Variants in ADAMTS16 observed in about 807,000 individuals in gnomAD.
ADAMTS16 encodes the protein A disintegrin and metalloproteinase with thrombospondin motifs 16.
ADAMTS16 carries 94 observed loss-of-function variants against 145.8 expected under a neutral mutation model. The observed-to-expected ratio is 0.64, with a 90% CI of 0.55 to 0.77. ADAMTS16 has a LOEUF of 0.77. ADAMTS16 is among the 30% of genes least tolerant of loss of function. The pLI is 0.00. For missense variants in ADAMTS16, 1,585 were observed against 1,591.5 expected (o/e 1.00, Z 0.07); for synonymous variants, 659 against 604.3 (o/e 1.09, Z -1.33).
intron 18 of ADAMTS16, among the ~76,000 whole-genome samples, chr5:5,286,720 C>T (rs146139587): frequency 0.028 from 4,233 of 151,408 alleles, 78 homozygotes; most frequent in East Asian, 0.065. Flanking sequence ...TACCCAGGTG[C>T]GGTGGCGAGC....
intron 21 of ADAMTS16, among the ~76,000 whole-genome samples, chr5:5,307,206 G>T (rs568454866): frequency 1.3e-5 from 2 of 152,110 alleles, no homozygotes; most frequent in Non-Finnish European, 2.9e-5. Flanking sequence ...GTCTGTGCCC[G>T]CGCCTCCCAC....
chr5:5,318,987 G>A (rs1226927958), intron 22 of ADAMTS16, 36 bp from the exon 23 acceptor site: 22 of 1,483,584 alleles, frequency 1.5e-5, no homozygotes, highest in East Asian at 1.4e-4. Flanking sequence ...CGCTGCACTC[G>A]GGATCGCTGA....
chr5:5,226,302 AG>A (rs1009676197), intron 11 of ADAMTS16, among the ~76,000 whole-genome samples: 2 of 152,206 alleles, frequency 1.3e-5, no homozygotes, highest in Non-Finnish European at 2.9e-5. Context: ...AAGGCAAAGG[AG>A]AAGCAAAGTC....
chr5:5,238,101 A>T (rs1737166734), intron 14 of ADAMTS16, among the ~76,000 whole-genome samples: 1 of 152,204 alleles, frequency 6.6e-6, no homozygotes, highest in South Asian at 2.1e-4. Flanking sequence ...GTTAGGCTGG[A>T]TGATTCCATT....
chr5:5,243,741 G>A (rs1398628143), intron 17 of ADAMTS16, among the ~76,000 whole-genome samples: 5 of 152,178 alleles, frequency 3.3e-5, no homozygotes, highest in African/African-American at 9.7e-5. Context: ...ATGGCCAGTC[G>A]ATGATTCTGT....
intron 18 of ADAMTS16, among the ~76,000 whole-genome samples, chr5:5,280,475 T>G (rs1236005576): frequency 6.6e-6 from 1 of 152,166 alleles, no homozygotes; most frequent in African/African-American, 2.4e-5. Flanking sequence ...ATTCCAGGGG[T>G]GCATCAACAT....
At chr5:5,207,646 A>G (rs1386185342) in intron 9 of ADAMTS16, among the ~76,000 whole-genome samples, 1 of 151,962 alleles carries the variant, frequency 6.6e-6, no homozygotes, top group Non-Finnish European at 1.5e-5. Flanking sequence ...GTTTCGCACC[A>G]TTAATTATAA....
At chr5:5,280,961 T>C (rs1012842644) in intron 18 of ADAMTS16, among the ~76,000 whole-genome samples, 3 of 152,372 alleles carry the variant, frequency 2.0e-5, no homozygotes, top group East Asian at 3.9e-4. Context: ...TATCTCTTCA[T>C]GTTTGATAAA....
rs368811446 is a variant in ADAMTS16, at chr5:5,186,301, G to GGGGGGGTGTGTGTGTGT, written c.963+51_963+52insGGGGGTGTGTGTGTGTG. The GGGGGGGTGTGTGTGTGT allele has an allele frequency of 6.1e-6, 6 of 987,400 alleles. No individual in the cohort carries two copies. In the African/African-American group the frequency reaches 8.7e-5, roughly 14 times the overall value. 61.2% of individuals were successfully genotyped at this position (987,400 alleles called of 1,614,324 possible). On this transcript the variant is annotated intron_variant, in intron 5 of 22. Coordinates refer to ENST00000274181, the MANE Select transcript of ADAMTS16 (RefSeq NM_139056.4). ...CCACCTGTGTCATTGCACTTCGTAG[G>GGGGGGGTGTGTGTGTGT]GTGTGTGTGTGTGTGTGTGTGTGTG...
chr5:5,147,076 A>AAT (rs1734318284), intron 3 of ADAMTS16, among the ~76,000 whole-genome samples: 1 of 152,120 alleles, frequency 6.6e-6, no homozygotes, highest in Non-Finnish European at 1.5e-5. Flanking sequence ...GGGACGCTAG[A>AAT]GCCGGGGGCT....
At position 5,165,861 on chromosome 5, in the gene ADAMTS16, A is replaced by G. The variant is rs1734862157; in HGVS notation, c.502-16183A>G. Reference sequence around the variant, plus strand: ...TCATGACCCATGGGCTCTGATGAGAAACACATGTGCGTGCCTGGCTTTCTC... The same window carrying G: ...TCATGACCCATGGGCTCTGATGAGAGACACATGTGCGTGCCTGGCTTTCTC... On this transcript the variant is annotated intron_variant, in intron 3 of 22. Coordinates refer to ENST00000274181, the MANE Select transcript of ADAMTS16 (RefSeq NM_139056.4). Among the ~76,000 whole-genome samples, 2 of 152,120 alleles carry G rather than the reference A, an allele frequency of 1.3e-5. 1 individual carries two copies. The highest frequency in any genetic ancestry group is 4.8e-5 in the African/African-American group (2 of 41,426).
chr5:5,230,623 G>A (rs1370927601), intron 11 of ADAMTS16, among the ~76,000 whole-genome samples: 2 of 152,186 alleles, frequency 1.3e-5, no homozygotes. Flanking sequence ...CTCTACTTGT[G>A]TATATCTTTA....
chr5:5,142,596 G>T (rs1298494991), intron 2 of ADAMTS16, among the ~76,000 whole-genome samples: 1 of 152,186 alleles, frequency 6.6e-6, no homozygotes. Flanking sequence ...AAGACACTTG[G>T]TGACTGCTGG....
intron 3 of ADAMTS16, among the ~76,000 whole-genome samples, chr5:5,168,630 TATA>T (rs1466891036): frequency 4.7e-5 from 4 of 85,618 alleles, no homozygotes; most frequent in African/African-American, 1.2e-4. Flanking sequence ...TTATATTATA[TATA>T]ATATATATAA....
At chr5:5,205,746 G>C (rs1736087691) in intron 9 of ADAMTS16, among the ~76,000 whole-genome samples, 1 of 152,064 alleles carries the variant, frequency 6.6e-6, no homozygotes, top group Non-Finnish European at 1.5e-5. Context: ...CTTTGATTAG[G>C]TGTCTGTTCA....
At position 5,146,265 on chromosome 5, in the gene ADAMTS16, C is replaced by A. The variant is rs775983311; in HGVS notation, c.311C>A (p.Ser104Tyr). The change falls in exon 3 of 23, where the codon TCC becomes TAC. Residue 104 changes from serine (S) to tyrosine (Y), a missense_variant. By Grantham distance (144) the Ser-to-Tyr change is moderately radical. This residue lies in a region of ADAMTS16 where 453 missense variants were observed against 412.1 expected (regional missense o/e 1.10). Coordinates refer to ENST00000274181, the MANE Select transcript of ADAMTS16 (RefSeq NM_139056.4). ...VESLHLRLKG[S>Y]RHDFHMDLRT... Reference sequence around the variant, plus strand: ...TCTCTTCACCTTCGGCTGAAAGGCTCCAGGCACGACTTCCACATGGATCTG... The same window carrying A: ...TCTCTTCACCTTCGGCTGAAAGGCTACAGGCACGACTTCCACATGGATCTG... 1.2e-6 allele frequency: 2 copies of A among 1,614,054 alleles called. No individual in the cohort carries two copies. Among genetic ancestry groups the A allele is most frequent in the Admixed American group, 3.3e-5 (2 of 60,020 alleles).
chr5:5,224,462 G>T (rs1049087922), intron 11 of ADAMTS16, among the ~76,000 whole-genome samples: 1 of 152,068 alleles, frequency 6.6e-6, no homozygotes, highest in Admixed American at 6.6e-5. Context: ...GCTAATTTTT[G>T]TATTTTTAGT....
intron 3 of ADAMTS16, among the ~76,000 whole-genome samples, chr5:5,171,474 A>G (rs1735040978): frequency 6.6e-6 from 1 of 152,142 alleles, no homozygotes; most frequent in Non-Finnish European, 1.5e-5. Flanking sequence ...GATGATTGTT[A>G]TCATGAAGGA....
At chr5:5,193,638 G>T (rs1735725237) in intron 8 of ADAMTS16, among the ~76,000 whole-genome samples, 1 of 152,172 alleles carries the variant, frequency 6.6e-6, no homozygotes, top group Admixed American at 6.5e-5. Context: ...CCGACACAAG[G>T]CCCTCAGTTG....
Sources: gnomAD v4.1 joint callset for allele counts (sites outside exome capture counted in the v4.1 genomes callset) on GRCh38, gnomAD v4.1.1 for gene constraint, gnomAD v4.1.1 regional missense constraint, MANE v1.5 for transcripts, NCBI Gene and HGNC (gene_info 2026-07-23, HGNC 2026-07-21) for gene names.